The following CEP135 variants were observed in gnomAD, a reference collection of about 807,000 sequenced individuals.
CEP135 encodes the protein centrosomal protein 135, also known as centrosomal protein of 135 kDa.
A neutral mutation model predicts 157.3 loss-of-function variants in CEP135; 142 were observed. The ratio of observed to expected loss-of-function variants is 0.90; its 90% CI spans 0.79 to 1.04. The LOEUF is 1.04. Among genes scored for constraint, CEP135 ranks in the 50% least tolerant of loss-of-function variants. CEP135 has a pLI of 0.00. For synonymous variants in CEP135, 396 were observed against 439.8 expected (o/e 0.90, Z 1.25); for missense variants, 1,317 against 1,309.2 (o/e 1.01, Z -0.09).
intron 1 of CEP135, among the ~76,000 whole-genome samples, chr4:55,951,607 CTTA>C (rs1274896059): frequency 2.0e-5 from 3 of 152,148 alleles, no homozygotes; most frequent in Non-Finnish European, 4.4e-5. Context: ...GGATGTTTGT[CTTA>C]TTATTGAGTT....
chr4:56,003,503 T>C lies in CEP135; in HGVS notation c.2280+3858T>C, dbSNP rs539719709. 1.8e-4 allele frequency among the ~76,000 whole-genome samples: 28 copies of C among 152,270 alleles called. No homozygotes were observed. In the South Asian group the frequency reaches 5.2e-3, roughly 28 times the overall value. On this transcript the variant is annotated intron_variant, in intron 17 of 25. Coordinates refer to ENST00000257287, the MANE Select transcript of CEP135 (RefSeq NM_025009.5). ...GATTAGAGGTGTGAGCCACTGTGCCTGGCTGATCTTTTATATTTTCATCTC... is the reference window on the plus strand; with the variant it reads ...GATTAGAGGTGTGAGCCACTGTGCCCGGCTGATCTTTTATATTTTCATCTC...
chr4:55,980,613 A>C (rs1021185011), intron 12 of CEP135, among the ~76,000 whole-genome samples: 23 of 152,196 alleles, frequency 1.5e-4, no homozygotes, highest in African/African-American at 5.5e-4. Context: ...AGACGTAGGG[A>C]AATGTCTATC....
chr4:55,971,524 C>T (rs1729027955), intron 10 of CEP135, 116 bp downstream of exon 10: 5 of 1,001,364 alleles, frequency 5.0e-6, no homozygotes, highest in South Asian at 3.8e-5. Flanking sequence ...TGAGTGCTTA[C>T]CATTAGTCAA....
chr4:55,955,180 A>G (rs962638306), intron 4 of CEP135, among the ~76,000 whole-genome samples: 10 of 152,224 alleles, frequency 6.6e-5, no homozygotes, highest in African/African-American at 2.4e-4. Context: ...CAAAATCATT[A>G]AGATAGCTGA....
In CEP135 at chr4:55,952,071, AT is replaced by A; in HGVS notation, c.-45-13del. ...AGCTATAATAAGATAATGATGTTTC[AT>A]TCTTTTCTCTCAGGACTTTAATTTT... On this transcript the variant is annotated splice_polypyrimidine_tract_variant and intron_variant, in intron 1 of 25. Coordinates refer to ENST00000257287, the MANE Select transcript of CEP135 (RefSeq NM_025009.5). 2 of 812,628 alleles carry A rather than the reference AT, an allele frequency of 2.5e-6. No individual in the cohort carries two copies. The highest frequency in any genetic ancestry group is 4.1e-6 in the Non-Finnish European group (2 of 486,622). 50.3% of individuals were successfully genotyped at this position (812,628 alleles called of 1,614,324 possible).
At chr4:55,949,691 C>T (rs946571849) in intron 1 of CEP135, among the ~76,000 whole-genome samples, 1 of 152,234 alleles carries the variant, frequency 6.6e-6, no homozygotes, top group Non-Finnish European at 1.5e-5. Context: ...GATACTTCTA[C>T]ACATATATGT....
intron 23 of CEP135, 40 bp from the exon 24 acceptor site, chr4:56,020,636 A>G: frequency 6.4e-7 from 1 of 1,563,540 alleles, no homozygotes; most frequent in Non-Finnish European, 8.8e-7. Context: ...ACTCTACAAA[A>G]CGGAACGTTT....
At chr4:56,011,351 T>C in intron 19 of CEP135, 61 bp from the exon 20 acceptor site, 1 of 1,092,844 alleles carries the variant, frequency 9.2e-7, no homozygotes, top group Non-Finnish European at 1.4e-6. Context: ...TATTTGAATA[T>C]AAATAAAATT....
At chr4:55,976,246 AAAAGAAAG>A (rs1223201888) in intron 11 of CEP135, among the ~76,000 whole-genome samples, 2 of 150,874 alleles carry the variant, frequency 1.3e-5, no homozygotes, top group African/African-American at 2.5e-5. Context: ...AAAAAAAAAA[AAAAGAAAG>A]AAAGAAAGAA....
chr4:56,024,598 G>C lies in CEP135; in HGVS notation c.3418G>C (p.Val1140Leu). The C allele has an allele frequency of 6.2e-7, 1 of 1,608,680 alleles. No homozygotes were observed. The highest frequency in any genetic ancestry group is 8.5e-7 in the Non-Finnish European group (1 of 1,175,216). ...SPSHSPEHRN[V>L] ...TTCACATTCTCCTGAACATAGAAATGTGTAATTATCAGAAAGGTATGTATG... is the reference window on the plus strand; with the variant it reads ...TTCACATTCTCCTGAACATAGAAATCTGTAATTATCAGAAAGGTATGTATG... The change falls in exon 25 of 26, where the codon GTG becomes CTG. Residue 1140 changes from valine to leucine, a missense_variant. Physicochemically the swap from Val to Leu is conservative, Grantham distance 32. Coordinates refer to ENST00000257287, the MANE Select transcript of CEP135 (RefSeq NM_025009.5).
chr4:55,959,922 T>C, intron 6 of CEP135, 156 bp downstream of exon 6: 1 of 679,180 alleles, frequency 1.5e-6, no homozygotes, highest in South Asian at 1.8e-5. Context: ...CTGGAATGGC[T>C]TAGGTGGCTT....
rs1251380893 is a variant in CEP135, at chr4:56,019,581, A to G, written c.3215+26A>G. The G allele has an allele frequency of 2.6e-6, 4 of 1,558,620 alleles. No homozygotes were observed. In the South Asian group the frequency reaches 4.6e-5, roughly 18 times the overall value. On this transcript the variant is annotated intron_variant, in intron 23 of 25. Transcript: ENST00000257287. ...GTAAGTGTCTTAAGTCAACTTATGC[A>G]AAGACAATTGCTTGTGAAGGATAGT...
chr4:55,998,625 G>A (rs1730057704), intron 15 of CEP135, among the ~76,000 whole-genome samples: 1 of 152,228 alleles, frequency 6.6e-6, no homozygotes, highest in Non-Finnish European at 1.5e-5. Context: ...AGCACTTTGG[G>A]AGACCGAGGC....
chr4:55,973,323 C>T (rs1427494014), intron 10 of CEP135, among the ~76,000 whole-genome samples: 1 of 152,216 alleles, frequency 6.6e-6, no homozygotes, highest in Non-Finnish European at 1.5e-5. Context: ...TTTGATCTTC[C>T]ATTCTCCACG....
intron 15 of CEP135, among the ~76,000 whole-genome samples, chr4:55,997,466 A>C (rs974551260): frequency 1.3e-5 from 2 of 152,160 alleles, no homozygotes; most frequent in African/African-American, 4.8e-5. Flanking sequence ...AATTTCAAGC[A>C]CTGCCAACTG....
intron 15 of CEP135, 74 bp downstream of exon 15, chr4:55,992,159 C>A: frequency 1.4e-6 from 2 of 1,420,722 alleles, no homozygotes; most frequent in Admixed American, 2.4e-5. Flanking sequence ...ATAATCATGG[C>A]ATTTTGGACT....
chr4:55,998,760 G>T (rs1434912410), intron 15 of CEP135, among the ~76,000 whole-genome samples: 1 of 152,152 alleles, frequency 6.6e-6, no homozygotes. Flanking sequence ...AGCCTCTAGG[G>T]ATGCTGAGGT....
At chr4:56,027,221 T>G (rs1327029039) in intron 25 of CEP135, among the ~76,000 whole-genome samples, 1 of 152,242 alleles carries the variant, frequency 6.6e-6, no homozygotes, top group Non-Finnish European at 1.5e-5. Flanking sequence ...TGTAAGAATG[T>G]GACACAGACA....
intron 8 of CEP135, 73 bp downstream of exon 8, chr4:55,965,932 T>C (rs867909560): frequency 7.9e-7 from 1 of 1,257,900 alleles, no homozygotes; most frequent in African/African-American, 1.5e-5. Context: ...TGATCCCTTT[T>C]GATATCTGCA....
Sources: gnomAD v4.1 joint callset for allele counts (sites outside exome capture counted in the v4.1 genomes callset) on GRCh38, gnomAD v4.1.1 for gene constraint, MANE v1.5 for transcripts, NCBI Gene and HGNC (gene_info 2026-07-23, HGNC 2026-07-21) for gene names.